The following CNTN5 variants were observed in gnomAD, a reference collection of about 807,000 sequenced individuals.
CNTN5 encodes the protein contactin-5.
In CNTN5, 77 loss-of-function variants were observed where a neutral mutation model predicts 129.1. That is an observed-to-expected ratio of 0.60 (90% confidence interval 0.50 to 0.72). The LOEUF (loss-of-function observed/expected upper bound fraction) is 0.72. CNTN5 is among the 30% of genes least tolerant of loss of function. The pLI is 0.00. For synonymous variants in CNTN5, 509 were observed against 465.6 expected (o/e 1.09, Z -1.20); for missense variants, 1,478 against 1,328.8 (o/e 1.11, Z -1.75).
At chr11:100,060,851 G>A (rs1359600420) in intron 9 of CNTN5, among the ~76,000 whole-genome samples, 2 of 151,956 alleles carry the variant, frequency 1.3e-5, no homozygotes, top group African/African-American at 4.8e-5. Context: ...ATGTTGCCCA[G>A]GCTGGTCTCG....
intron 8 of CNTN5, among the ~76,000 whole-genome samples, chr11:99,981,453 G>C (rs1388670623): frequency 6.6e-6 from 1 of 152,088 alleles, no homozygotes; most frequent in East Asian, 1.9e-4. Flanking sequence ...TGAGTCCCAA[G>C]CCAATTGAAT....
intron 13 of CNTN5, among the ~76,000 whole-genome samples, chr11:100,188,393 C>A (rs1199247126): frequency 1.3e-5 from 2 of 152,108 alleles, no homozygotes; most frequent in African/African-American, 4.8e-5. Context: ...GCTGTGATTG[C>A]ACCACTGTAC....
At chr11:99,724,180 T>C (rs908181438) in intron 3 of CNTN5, among the ~76,000 whole-genome samples, 1 of 152,196 alleles carries the variant, frequency 6.6e-6, no homozygotes, top group Non-Finnish European at 1.5e-5. Flanking sequence ...TTCCGTCTTA[T>C]GCCTATTGAA....
intron 2 of CNTN5, among the ~76,000 whole-genome samples, chr11:99,547,296 G>A (rs1329156521): frequency 2.0e-5 from 3 of 152,186 alleles, no homozygotes; most frequent in African/African-American, 2.4e-5. Context: ...GAGCCACCGC[G>A]CCTGGTCGAA....
intron 3 of CNTN5, among the ~76,000 whole-genome samples, chr11:99,608,378 T>C (rs990127424): frequency 6.6e-6 from 1 of 152,128 alleles, no homozygotes; most frequent in Non-Finnish European, 1.5e-5. Context: ...GTAAGGGCAA[T>C]GCATGGGTTG....
chr11:99,354,377 G>A (rs181170693), intron 2 of CNTN5, among the ~76,000 whole-genome samples: 2 of 152,206 alleles, frequency 1.3e-5, no homozygotes, highest in East Asian at 1.9e-4. Flanking sequence ...AAGAGTTCCC[G>A]GGACCTTGTT....
At chr11:99,683,779 T>C (rs1480850883) in intron 3 of CNTN5, among the ~76,000 whole-genome samples, 1 of 151,878 alleles carries the variant, frequency 6.6e-6, no homozygotes, top group Non-Finnish European at 1.5e-5. Context: ...ACATTATTTG[T>C]CTTACTGTAG....
At chr11:100,356,018 C>T (rs561650788) in intron 24 of CNTN5, 99 bp from the exon 25 acceptor site, 21 of 724,996 alleles carry the variant, frequency 2.9e-5, no homozygotes, top group East Asian at 1.1e-4. Flanking sequence ...GAAACAGGAG[C>T]GATCTTGCAC....
At chr11:99,346,361 A>G (rs1261952210) in intron 2 of CNTN5, among the ~76,000 whole-genome samples, 2 of 152,242 alleles carry the variant, frequency 1.3e-5, no homozygotes, top group Non-Finnish European at 2.9e-5. Context: ...TATTGCAAAC[A>G]CCTGCCTTTC....
intron 7 of CNTN5, among the ~76,000 whole-genome samples, chr11:99,920,517 T>C (rs1002793535): frequency 3.3e-5 from 5 of 152,148 alleles, no homozygotes; most frequent in African/African-American, 1.2e-4. Context: ...CTCCTGGTTA[T>C]TTCTTCCCCA....
intron 3 of CNTN5, among the ~76,000 whole-genome samples, chr11:99,746,182 A>G (rs1016013398): frequency 2.6e-5 from 4 of 152,084 alleles, no homozygotes; most frequent in South Asian, 4.1e-4. Context: ...TTTTCCCTAC[A>G]TTTTCTTCTA....
chr11:99,477,603 G>A (rs998573807), intron 2 of CNTN5, among the ~76,000 whole-genome samples: 15 of 151,632 alleles, frequency 9.9e-5, no homozygotes, highest in Admixed American at 9.2e-4. Flanking sequence ...GAAAACTATA[G>A]TTAGAAGTAT....
At chr11:99,924,836 A>G (rs886409930) in intron 7 of CNTN5, among the ~76,000 whole-genome samples, 1 of 152,144 alleles carries the variant, frequency 6.6e-6, no homozygotes, top group Non-Finnish European at 1.5e-5. Context: ...AACAGTTTCA[A>G]TGCAGTTGTT....
Position 100,149,974 on chromosome 11 carries a change from A to AAGTT in CNTN5, c.1581-41150_1581-41147dup, listed in dbSNP as rs1247789892. ...CTCAAAATTTATGTAGTGCACATTT[A>AAGTT]AGTTACACTTTAATCCAAACAAACT... is the stretch of plus-strand genomic sequence containing the variant. On this transcript the variant is annotated intron_variant, in intron 13 of 24. Transcript: ENST00000524871. 2.6e-5 allele frequency among the ~76,000 whole-genome samples: 4 copies of AAGTT among 152,200 alleles called. No individual in the cohort carries two copies. In the East Asian group the frequency reaches 5.8e-4, roughly 22 times the overall value.
In CNTN5 at chr11:100,249,461, T is replaced by C. The variant is rs868444549; in HGVS notation, c.2006-6299T>C. ...AACACACTGTGCCCATTTTTCAAAA[T>C]TGACTATTTCCAAATACAGTATTTA... On this transcript the variant is annotated intron_variant, in intron 16 of 24. Transcript: ENST00000524871. 7.2e-5 allele frequency among the ~76,000 whole-genome samples: 11 copies of C among 152,278 alleles called. No homozygotes were observed. The South Asian group carries it at 2.3e-3, about 32-fold the overall frequency.
intron 4 of CNTN5, among the ~76,000 whole-genome samples, chr11:99,843,917 C>A (rs1008191826): frequency 3.3e-5 from 5 of 152,192 alleles, no homozygotes; most frequent in African/African-American, 1.2e-4. Flanking sequence ...CTTAGATACG[C>A]ACACGATGCT....
intron 3 of CNTN5, among the ~76,000 whole-genome samples, chr11:99,582,646 T>C (rs1949648933): frequency 6.6e-6 from 1 of 152,218 alleles, no homozygotes; most frequent in African/African-American, 2.4e-5. Flanking sequence ...CATTCACACA[T>C]AGTTCTCATG....
intron 2 of CNTN5, among the ~76,000 whole-genome samples, chr11:99,450,257 A>AATATATATATATATATATAT (rs56270711): frequency 1.4e-5 from 2 of 145,990 alleles, no homozygotes; most frequent in African/African-American, 5.0e-5. Context: ...TGCTGGTAGA[A>AATATATATATATATATATAT]ATATATATAT....
At chr11:99,253,391 G>A (rs1013539690) in intron 1 of CNTN5, among the ~76,000 whole-genome samples, 2 of 151,966 alleles carry the variant, frequency 1.3e-5, no homozygotes, top group African/African-American at 4.8e-5. Flanking sequence ...CAGACTAATA[G>A]CATTCATTTG....
Sources: allele counts gnomAD v4.1 joint callset (sites outside exome capture counted in the v4.1 genomes callset), GRCh38; gene constraint gnomAD v4.1.1; transcripts MANE v1.5; gene names NCBI Gene and HGNC (gene_info 2026-07-23, HGNC 2026-07-21).